The following DCC variants were observed in gnomAD, a reference collection of about 807,000 sequenced individuals.
The protein encoded by DCC is DCC netrin 1 receptor.
DCC carries 58 observed loss-of-function variants against 172.5 expected under a neutral mutation model. The ratio of observed to expected loss-of-function variants is 0.34; its 90% CI spans 0.27 to 0.42. The LOEUF is 0.42. Among genes scored for constraint, DCC ranks in the 10% least tolerant of loss-of-function variants. The pLI is 1.00. For missense variants in DCC, 1,740 were observed against 1,791.0 expected, an observed-to-expected ratio of 0.97 and a Z score of 0.51; for synonymous variants, 709 against 644.5, an observed-to-expected ratio of 1.10 and a Z score of -1.52.
rs570631312 is a variant in DCC at position 53,444,766 on chromosome 18, A to G, written c.3230-5734A>G. Among the ~76,000 whole-genome samples, 26 of 152,348 alleles carry G rather than the reference A, an allele frequency of 1.7e-4. No individual in the cohort carries two copies. The South Asian group carries it at 5.2e-3, about 30-fold the overall frequency. On this transcript the variant is annotated intron_variant, in intron 22 of 28. Transcript: ENST00000442544. The stretch of plus-strand genomic sequence containing the variant: ...TTTATATGCACTGGAAGACCAAAAA[A>G]CTAGTGCAACTTGCTTTATTCCAGT...
At chr18:53,126,450 G>T (rs1308475849) in intron 7 of DCC, among the ~76,000 whole-genome samples, 2 of 152,052 alleles carry the variant, frequency 1.3e-5, no homozygotes, top group Non-Finnish European at 2.9e-5. Context: ...GTATTTCATT[G>T]TGACAGTTAC....
chr18:52,748,748 A>C (rs1176946620), intron 1 of DCC, among the ~76,000 whole-genome samples: 1 of 152,194 alleles, frequency 6.6e-6, no homozygotes, highest in Non-Finnish European at 1.5e-5. Context: ...AAGGTGGAGA[A>C]AAGTTTTACT....
intron 1 of DCC, among the ~76,000 whole-genome samples, chr18:52,692,642 C>T (rs181712348): frequency 2.3e-4 from 35 of 152,008 alleles, no homozygotes; most frequent in Middle Eastern, 3.4e-3. Flanking sequence ...ATATTGACCA[C>T]GCTGGTCTTG....
rs190670720 is a variant in DCC at position 53,518,470 on chromosome 18, C to G, written c.4112-8147C>G. Among the ~76,000 whole-genome samples the G allele has an allele frequency of 1.6e-3, 250 of 152,212 alleles. 1 individual carries two copies. Among genetic ancestry groups the G allele is most frequent in the Non-Finnish European group, 2.3e-3 (154 of 67,992 alleles). On this transcript the variant is annotated intron_variant, in intron 27 of 28. Coordinates refer to ENST00000442544, the MANE Select transcript of DCC (RefSeq NM_005215.4). ...GAGAGATGCTAGCAGGAGTCTGCAC[C>G]TGGCAGTCCTATGTTATGTACCTAA...
intron 5 of DCC, chr18:52,931,899 C>G (rs982596487): frequency 1.3e-5 from 2 of 151,846 alleles, no homozygotes; most frequent in African/African-American, 4.8e-5. Context: ...CGTATAATTA[C>G]AATTCGTAAA....
At chr18:52,926,551 AAC>A (rs2040204864) in intron 5 of DCC, among the ~76,000 whole-genome samples, 2 of 151,778 alleles carry the variant, frequency 1.3e-5, no homozygotes, top group African/African-American at 4.8e-5. Context: ...AAAATTCAGT[AAC>A]ACAAAATGGT....
intron 8 of DCC, among the ~76,000 whole-genome samples, chr18:53,160,367 A>G (rs1035612219): frequency 6.6e-6 from 1 of 152,166 alleles, no homozygotes; most frequent in African/African-American, 2.4e-5. Context: ...GAGATCTGCA[A>G]TCTGTTGATC....
chr18:52,806,103 C>T (rs961738059), intron 2 of DCC, among the ~76,000 whole-genome samples: 19 of 152,078 alleles, frequency 1.2e-4, no homozygotes, highest in East Asian at 7.7e-4. Context: ...TAGATAATAC[C>T]GGCTTGAATA....
chr18:53,210,542 G>A (rs536543997), intron 11 of DCC, among the ~76,000 whole-genome samples: 11 of 152,054 alleles, frequency 7.2e-5, no homozygotes, highest in African/African-American at 1.9e-4. Context: ...AATATTTATC[G>A]AATTAATTAG....
intron 20 of DCC, 23 bp from the exon 21 acceptor site, chr18:53,416,101 T>G (rs1910295996): frequency 2.5e-6 from 4 of 1,589,110 alleles, no homozygotes; most frequent in Non-Finnish European, 2.6e-6. Flanking sequence ...AGTCTAATAA[T>G]GTTATTTCTT....
intron 1 of DCC, among the ~76,000 whole-genome samples, chr18:52,597,088 A>C (rs2033923699): frequency 6.7e-6 from 1 of 149,118 alleles, no homozygotes; most frequent in African/African-American, 2.4e-5. Flanking sequence ...ATCAGGAAAG[A>C]CTCGGTGAAA....
intron 15 of DCC, among the ~76,000 whole-genome samples, chr18:53,351,463 T>TGTATATATATATACA (rs1568075497): frequency 2.2e-3 from 50 of 22,830 alleles, no homozygotes; most frequent in Non-Finnish European, 3.1e-3. Flanking sequence ...ATATACACAG[T>TGTATATATATATACA]GTGTATATAT....
Position 52,506,542 on chromosome 18 carries a change from A to G in DCC, c.91+165664A>G, listed in dbSNP as rs1374625408. The stretch of plus-strand genomic sequence containing the variant: ...GTATGTGCTCAGGACAAATAAAGCA[A>G]TATCTATTGTCTGATAAAAGAAAAT... On this transcript the variant is annotated intron_variant, in intron 1 of 28. Transcript: ENST00000442544. Among the ~76,000 whole-genome samples, 5 of 152,212 alleles carry G rather than the reference A, an allele frequency of 3.3e-5. No individual in the cohort carries two copies. The South Asian group carries it at 6.2e-4, about 19-fold the overall frequency.
At position 52,340,677 on chromosome 18, in the gene DCC, A is replaced by G; in HGVS notation, c.-111A>G. The G allele has an allele frequency of 1.2e-6, 1 of 818,580 alleles. No individual in the cohort carries two copies. Among genetic ancestry groups the G allele is most frequent in the Non-Finnish European group, 2.2e-6 (1 of 457,732 alleles). 50.7% of individuals were successfully genotyped at this position (818,580 alleles called of 1,614,324 possible). Reference sequence around the variant, plus strand: ...AGGAAGAGGACGAGGAGGAGGAGGAAGCCGAAGGGGCTCGGCGCGTGTGTG... The same window carrying G: ...AGGAAGAGGACGAGGAGGAGGAGGAGGCCGAAGGGGCTCGGCGCGTGTGTG... On this transcript the variant is annotated 5_prime_UTR_variant, in exon 1 of 29. Coordinates refer to ENST00000442544, the MANE Select transcript of DCC (RefSeq NM_005215.4).
At chr18:53,167,867 C>T (rs965913839) in intron 8 of DCC, among the ~76,000 whole-genome samples, 4 of 152,152 alleles carry the variant, frequency 2.6e-5, no homozygotes, top group African/African-American at 7.2e-5. Flanking sequence ...TTCAGCTAAA[C>T]ATTTCCTTTG....
intron 2 of DCC, among the ~76,000 whole-genome samples, chr18:52,755,730 AC>A (rs199846961): frequency 7.9e-5 from 12 of 152,210 alleles, no homozygotes; most frequent in African/African-American, 2.9e-4. Flanking sequence ...AACAACAACA[AC>A]AAAAAAATGT....
intron 7 of DCC, among the ~76,000 whole-genome samples, chr18:53,124,985 T>G (rs1295476556): frequency 6.6e-6 from 1 of 151,578 alleles, no homozygotes; most frequent in African/African-American, 2.4e-5. Context: ...AAAAAAATGA[T>G]GCTATCATCA....
At chr18:53,277,861 A>G (rs926660719) in intron 12 of DCC, among the ~76,000 whole-genome samples, 1 of 152,124 alleles carries the variant, frequency 6.6e-6, no homozygotes, top group Non-Finnish European at 1.5e-5. Flanking sequence ...CGGGATAGCA[A>G]TTTGCTGCTG....
At chr18:52,359,703 T>A (rs929617914) in intron 1 of DCC, among the ~76,000 whole-genome samples, 1 of 152,224 alleles carries the variant, frequency 6.6e-6, no homozygotes, top group Non-Finnish European at 1.5e-5. Flanking sequence ...ATCTTGGGAT[T>A]GTTTCTTTCT....
Sources: gnomAD v4.1 joint callset for allele counts (sites outside exome capture counted in the v4.1 genomes callset) on GRCh38, gnomAD v4.1.1 for gene constraint, MANE v1.5 for transcripts, NCBI Gene and HGNC (gene_info 2026-07-23, HGNC 2026-07-21) for gene names.